Variants in ARHGAP24 observed in about 807,000 individuals in gnomAD.
The protein encoded by ARHGAP24 is rho GTPase-activating protein 24.
Under a neutral mutation model 76.4 loss-of-function variants are expected in ARHGAP24, and 50 were observed. That is an observed-to-expected ratio of 0.65 (90% CI 0.52 to 0.83). The LOEUF is 0.83. ARHGAP24 is among the 40% of genes least tolerant of loss of function. The pLI, the probability that ARHGAP24 is intolerant of heterozygous loss-of-function variation, is 0.00. For synonymous variants in ARHGAP24, 345 were observed against 323.3 expected, an observed-to-expected ratio of 1.07 and a Z score of -0.72; for missense variants, 930 against 914.2, an observed-to-expected ratio of 1.02 and a Z score of -0.22.
chr4:85,685,372 C>A (rs1723378181), intron 2 of ARHGAP24, among the ~76,000 whole-genome samples: 1 of 152,036 alleles, frequency 6.6e-6, no homozygotes, highest in African/African-American at 2.4e-5. Flanking sequence ...GTGGCTCACG[C>A]CTGTAATCCC....
chr4:85,974,612 T>C (rs2148853912), intron 6 of ARHGAP24, among the ~76,000 whole-genome samples: 1 of 152,334 alleles, frequency 6.6e-6, no homozygotes, highest in South Asian at 2.1e-4. Context: ...TTATCTTCTC[T>C]TTTCAGTCAA....
chr4:85,753,073 G>A (rs1404475870), intron 3 of ARHGAP24, among the ~76,000 whole-genome samples: 1 of 152,184 alleles, frequency 6.6e-6, no homozygotes, highest in East Asian at 1.9e-4. Context: ...GGATATAAGA[G>A]GATGTGAGAG....
chr4:85,701,626 G>A (rs948301504), intron 2 of ARHGAP24, among the ~76,000 whole-genome samples: 3 of 151,960 alleles, frequency 2.0e-5, no homozygotes, highest in African/African-American at 7.3e-5. Flanking sequence ...AAATACAAAA[G>A]CCTGTCCTTA....
chr4:85,676,136 C>T (rs562103414), intron 2 of ARHGAP24, among the ~76,000 whole-genome samples: 12 of 152,284 alleles, frequency 7.9e-5, no homozygotes, highest in African/African-American at 2.9e-4. Context: ...CAGCCTTGAA[C>T]AGAATGCTCT....
At chr4:85,621,711 G>A (rs781734603) in intron 2 of ARHGAP24, among the ~76,000 whole-genome samples, 1 of 151,946 alleles carries the variant, frequency 6.6e-6, no homozygotes, top group Non-Finnish European at 1.5e-5. Context: ...CCATTCTGTA[G>A]GTTATCTTTC....
At chr4:85,917,570 A>T (rs1397644286) in intron 3 of ARHGAP24, among the ~76,000 whole-genome samples, 2 of 152,052 alleles carry the variant, frequency 1.3e-5, no homozygotes, top group African/African-American at 4.8e-5. Flanking sequence ...CCTCTCCAAC[A>T]TCTGTTGTTT....
At chr4:85,819,522 A>G (rs1729379812) in intron 3 of ARHGAP24, among the ~76,000 whole-genome samples, 2 of 152,322 alleles carry the variant, frequency 1.3e-5, no homozygotes, top group East Asian at 3.9e-4. Flanking sequence ...GTTGAAATGT[A>G]CAATGGTAGC....
intron 2 of ARHGAP24, among the ~76,000 whole-genome samples, chr4:85,704,140 T>C (rs1724209352): frequency 6.6e-6 from 1 of 152,234 alleles, no homozygotes; most frequent in Admixed American, 6.5e-5. Flanking sequence ...AGTATTCAAT[T>C]CAATTGTATG....
chr4:85,930,062 ATG>A (rs1254253360), intron 4 of ARHGAP24, among the ~76,000 whole-genome samples: 1 of 152,204 alleles, frequency 6.6e-6, no homozygotes, highest in Admixed American at 6.5e-5. Flanking sequence ...CACCTGCTGA[ATG>A]TGACCGGCGG....
chr4:85,692,893 GT>G (rs1723721590), intron 2 of ARHGAP24, among the ~76,000 whole-genome samples: 1 of 152,174 alleles, frequency 6.6e-6, no homozygotes, highest in African/African-American at 2.4e-5. Context: ...AATTGTCAGA[GT>G]TCTGGTGCTG....
chr4:85,580,667 A>C (rs1422275624), intron 2 of ARHGAP24, among the ~76,000 whole-genome samples: 4 of 152,166 alleles, frequency 2.6e-5, no homozygotes, highest in Non-Finnish European at 5.9e-5. Flanking sequence ...TGACAAACTG[A>C]GGCAAGAACT....
chr4:85,942,045 C>T, intron 4 of ARHGAP24, 21 bp from the exon 5 acceptor site: 2 of 1,597,532 alleles, frequency 1.3e-6, no homozygotes, highest in Non-Finnish European at 1.7e-6. Context: ...CCCAAGTTTA[C>T]TGTGATCCTT....
At chr4:85,898,439 G>C (rs1734318539) in intron 3 of ARHGAP24, among the ~76,000 whole-genome samples, 1 of 152,136 alleles carries the variant, frequency 6.6e-6, no homozygotes, top group African/African-American at 2.4e-5. Context: ...ACTCTTCATT[G>C]ATTAAAGAGC....
At chr4:85,687,754 A>T (rs1455754241) in intron 2 of ARHGAP24, among the ~76,000 whole-genome samples, 1 of 151,172 alleles carries the variant, frequency 6.6e-6, no homozygotes, top group Non-Finnish European at 1.5e-5. Context: ...CAGTAGAATT[A>T]TTTCTTTTCC....
At chr4:85,873,954 A>G (rs1026693690) in intron 3 of ARHGAP24, among the ~76,000 whole-genome samples, 1 of 152,192 alleles carries the variant, frequency 6.6e-6, no homozygotes, top group African/African-American at 2.4e-5. Flanking sequence ...TCATTATAGA[A>G]AAACATAATT....
intron 1 of ARHGAP24, among the ~76,000 whole-genome samples, chr4:85,530,040 C>G (rs994201226): frequency 1.3e-5 from 2 of 151,874 alleles, no homozygotes; most frequent in African/African-American, 2.4e-5. Flanking sequence ...ATGGAGCTCA[C>G]TCTCAGGTAC....
In ARHGAP24 at chr4:85,604,886, G is replaced by C. The variant is rs1028280310; in HGVS notation, c.180+34165G>C. The stretch of plus-strand genomic sequence containing the variant: ...CACCACTACACCCAGCTAATTTTTT[G>C]TATTTTTAGTAGAAACGGGGTTTCA... On this transcript the variant is annotated intron_variant, in intron 2 of 9. Transcript: ENST00000395184. Among the ~76,000 whole-genome samples, 11 of 152,222 alleles carry C rather than the reference G, an allele frequency of 7.2e-5. No individual in the cohort carries two copies. The South Asian group carries it at 2.3e-3, about 32-fold the overall frequency.
At chr4:85,628,132 A>C (rs903515815) in intron 2 of ARHGAP24, among the ~76,000 whole-genome samples, 2 of 152,222 alleles carry the variant, frequency 1.3e-5, no homozygotes, top group Admixed American at 1.3e-4. Flanking sequence ...CGGTACCTCA[A>C]TTGGAAATGC....
chr4:85,779,987 G>C (rs1474613164), intron 3 of ARHGAP24, among the ~76,000 whole-genome samples: 2 of 152,088 alleles, frequency 1.3e-5, no homozygotes, highest in Non-Finnish European at 2.9e-5. Context: ...CTCTTCATGA[G>C]ATCCACTATA....
Sources: allele counts gnomAD v4.1 joint callset (sites outside exome capture counted in the v4.1 genomes callset), GRCh38; gene constraint gnomAD v4.1.1; transcripts MANE v1.5; gene names NCBI Gene and HGNC (gene_info 2026-07-23, HGNC 2026-07-21).